The following SCYL2 variants were observed in gnomAD, a reference collection of about 807,000 sequenced individuals.
SCYL2 encodes SCY1-like protein 2.
In SCYL2, 36 loss-of-function variants were observed where a neutral mutation model predicts 100.4. The ratio of observed to expected loss-of-function variants is 0.36; its 90% CI spans 0.27 to 0.47. The LOEUF is 0.47. SCYL2 is among the 20% of genes least tolerant of loss of function. The probability of loss-of-function intolerance (pLI) is 1.00; values close to 1 mark genes in which losing one functional copy is unlikely to be tolerated. For missense variants in SCYL2, 902 were observed against 1,083.9 expected (o/e 0.83, Z 2.36); for synonymous variants, 330 against 359.2 (o/e 0.92, Z 0.92).
At chr12:100,335,443 C>G (rs1206919214) in intron 14 of SCYL2, 182 bp from the exon 15 acceptor site, 6 of 522,726 alleles carry the variant, frequency 1.1e-5, no homozygotes, top group Non-Finnish European at 2.0e-5. Flanking sequence ...AATGGACTTA[C>G]ATACAAATGT....
intron 11 of SCYL2, among the ~76,000 whole-genome samples, chr12:100,325,893 A>G (rs1185272182): frequency 6.6e-6 from 1 of 152,080 alleles, no homozygotes; most frequent in African/African-American, 2.4e-5. Flanking sequence ...TGTTTTTTAG[A>G]AATGGAAATT....
intron 13 of SCYL2, chr12:100,333,539 A>C (rs950646094): frequency 2.6e-5 from 4 of 152,234 alleles, no homozygotes; most frequent in African/African-American, 9.6e-5. Flanking sequence ...TGTTATTCAA[A>C]TAAGTTGTTT....
At position 100,339,294 on chromosome 12, in the gene SCYL2, G is replaced by C; in HGVS notation, c.*122G>C. The C allele has an allele frequency of 2.1e-6, 2 of 940,268 alleles. No individual in the cohort carries two copies. Among genetic ancestry groups the C allele is most frequent in the South Asian group, 3.3e-5 (2 of 60,264 alleles). The allele number at this position is 940,268 out of a possible 1,614,324, so 58.2% of individuals were successfully genotyped here. A position where few individuals can be genotyped will look rare whatever the true frequency, so the allele number is the denominator to read the frequency against. On this transcript the variant is annotated 3_prime_UTR_variant, in exon 18 of 18. Transcript: ENST00000360820. ...GGGAAAGTGAACAGTTCTGTGACAG[G>C]AAACATCTCTGTCCATGCCAGCATA... is the stretch of plus-strand genomic sequence containing the variant.
At chr12:100,335,582 G>A (rs1952264769) in intron 14 of SCYL2, 43 bp from the exon 15 acceptor site, 3 of 1,380,058 alleles carry the variant, frequency 2.2e-6, no homozygotes, top group South Asian at 2.5e-5. Context: ...TTAAAAATAT[G>A]CATTTCTTTT....
intron 3 of SCYL2, among the ~76,000 whole-genome samples, chr12:100,295,048 A>C (rs7971345): frequency 0.16 from 22,296 of 143,388 alleles, 1,838 homozygotes; most frequent in Middle Eastern, 0.21. Context: ...GGCGCTCCTC[A>C]CATCCCAGAT....
At chr12:100,280,361 A>G (rs1333792438) in intron 1 of SCYL2, among the ~76,000 whole-genome samples, 1 of 152,216 alleles carries the variant, frequency 6.6e-6, no homozygotes, top group Non-Finnish European at 1.5e-5. Flanking sequence ...AATGCATTCA[A>G]TAATAAAACC....
At chr12:100,301,377 T>C (rs1416660156) in intron 4 of SCYL2, among the ~76,000 whole-genome samples, 1 of 152,202 alleles carries the variant, frequency 6.6e-6, no homozygotes, top group African/African-American at 2.4e-5. Context: ...TTGTTTGAAC[T>C]TCTTATATAT....
chr12:100,305,689 A>C (rs1323269356), intron 4 of SCYL2, among the ~76,000 whole-genome samples: 2 of 151,900 alleles, frequency 1.3e-5, no homozygotes, highest in Middle Eastern at 3.4e-3. Context: ...AAAACCCTTA[A>C]AAATAAATCA....
Position 100,315,540 on chromosome 12 carries a change from A to T in SCYL2, c.1096-18A>T, listed in dbSNP as rs2096347545. On this transcript the variant is annotated intron_variant, in intron 8 of 17. Coordinates refer to ENST00000360820, the MANE Select transcript of SCYL2 (RefSeq NM_017988.6). Reference sequence around the variant, plus strand: ...AATAAATTTTATTTTTTTTTTAAAAAACATTTTTGCCTTTCAGCGTGTCAT... The same window carrying T: ...AATAAATTTTATTTTTTTTTTAAAATACATTTTTGCCTTTCAGCGTGTCAT... 6.4e-7 allele frequency: 1 copy of T among 1,558,000 alleles called. No individual in the cohort carries two copies. The highest frequency in any genetic ancestry group is 8.6e-7 in the Non-Finnish European group (1 of 1,157,124).
intron 10 of SCYL2, among the ~76,000 whole-genome samples, chr12:100,319,605 C>T (rs1034632639): frequency 5.3e-5 from 8 of 152,156 alleles, no homozygotes; most frequent in South Asian, 2.1e-4. Context: ...CTGCAACCTC[C>T]GCCTCCTGGG....
intron 1 of SCYL2, among the ~76,000 whole-genome samples, chr12:100,270,078 C>T (rs1335732256): frequency 6.6e-5 from 10 of 151,858 alleles, no homozygotes; most frequent in Non-Finnish European, 1.5e-4. Flanking sequence ...GCTCCGCCTC[C>T]CAGGTTCACG....
At chr12:100,296,231 C>T (rs959699337) in intron 3 of SCYL2, among the ~76,000 whole-genome samples, 4 of 152,102 alleles carry the variant, frequency 2.6e-5, no homozygotes, top group African/African-American at 9.7e-5. Flanking sequence ...GAAATAGGGA[C>T]ACTTTAGGGA....
chr12:100,278,870 T>TGATCAAAAG (rs2096295263), intron 1 of SCYL2, among the ~76,000 whole-genome samples: 1 of 152,082 alleles, frequency 6.6e-6, no homozygotes, highest in African/African-American at 2.4e-5. Flanking sequence ...CCTTGTGATC[T>TGATCAAAAG]GCCTACCTCA....
chr12:100,309,133 T>TGTGTGC lies in SCYL2; in HGVS notation c.481-1910_481-1909insTGTGCG, dbSNP rs1442815826. ...GTGTGTGTGTGTGTGTGTGTGTGTGTGCGCGCGCGTGTGTGCAGCTAGTTT... is the reference window on the plus strand; with the variant it reads ...GTGTGTGTGTGTGTGTGTGTGTGTGTGTGTGCGCGCGCGCGTGTGTGCAGCTAGTTT... On this transcript the variant is annotated intron_variant, in intron 4 of 17. Coordinates refer to ENST00000360820, the MANE Select transcript of SCYL2 (RefSeq NM_017988.6). Among the ~76,000 whole-genome samples the TGTGTGC allele has an allele frequency of 7.2e-3, 1,088 of 150,098 alleles. 6 individuals carry two copies. The highest frequency in any genetic ancestry group is 0.017 in the African/African-American group (694 of 40,174).
chr12:100,313,547 A>G lies in SCYL2; in HGVS notation c.969+9A>G, dbSNP rs369720529. The G allele has an allele frequency of 9.7e-6, 14 of 1,441,062 alleles. No homozygotes were observed. The highest frequency in any genetic ancestry group is 2.8e-5 in the African/African-American group (2 of 70,686). The allele number at this position is 1,441,062 out of a possible 1,614,324, so 89.3% of individuals were successfully genotyped here. A position where few individuals can be genotyped will look rare whatever the true frequency, so the allele number is the denominator to read the frequency against. The stretch of plus-strand genomic sequence containing the variant: ...CAGATCAAATGACAAAGGTGAGTAC[A>G]TGTGGATTTCTGCCTAAGATGGAGG... On this transcript the variant is annotated intron_variant, in intron 7 of 17. Coordinates refer to ENST00000360820, the MANE Select transcript of SCYL2 (RefSeq NM_017988.6).
rs560681412 is a variant in SCYL2, at chr12:100,309,682, A to G, written c.481-1362A>G. The stretch of plus-strand genomic sequence containing the variant: ...AGCTTATGTGCCCAGTCATCTGTCA[A>G]TGGACCTTGAATTGCTTCCACATTT... On this transcript the variant is annotated intron_variant, in intron 4 of 17. Transcript: ENST00000360820. Among the ~76,000 whole-genome samples, 362 of 152,332 alleles carry G rather than the reference A, an allele frequency of 2.4e-3. 1 individual carries two copies. Among genetic ancestry groups the G allele is most frequent in the Non-Finnish European group, 3.7e-3 (250 of 68,022 alleles).
intron 1 of SCYL2, among the ~76,000 whole-genome samples, chr12:100,278,916 C>A (rs1387550727): frequency 1.3e-5 from 2 of 152,182 alleles, no homozygotes; most frequent in Non-Finnish European, 2.9e-5. Flanking sequence ...GCGTGAGCCA[C>A]CGCGCCTGGC....
At chr12:100,321,973 G>A (rs2096356243) in intron 10 of SCYL2, among the ~76,000 whole-genome samples, 1 of 148,442 alleles carries the variant, frequency 6.7e-6, no homozygotes. Flanking sequence ...AGGATCACTT[G>A]AGCCCAGGAT....
intron 2 of SCYL2, among the ~76,000 whole-genome samples, chr12:100,284,957 A>G (rs2096302875): frequency 6.6e-6 from 1 of 152,190 alleles, no homozygotes; most frequent in South Asian, 2.1e-4. Flanking sequence ...GGACCCCTTC[A>G]GCTCAGGAGT....
Sources: allele counts gnomAD v4.1 joint callset (sites outside exome capture counted in the v4.1 genomes callset), GRCh38; gene constraint gnomAD v4.1.1; transcripts MANE v1.5; gene names NCBI Gene and HGNC (gene_info 2026-07-23, HGNC 2026-07-21).